SBF2: variants seen among roughly 807,000 people sequenced by gnomAD.
SBF2 encodes the protein SET binding factor 2, also known as myotubularin-related protein 13.
SBF2 carries 112 observed loss-of-function variants against 225.2 expected under a neutral mutation model. That is an observed-to-expected ratio of 0.50 (90% CI 0.43 to 0.58). The LOEUF (loss-of-function observed/expected upper bound fraction) is 0.58. Among genes scored for constraint, SBF2 ranks in the 20% least tolerant of loss-of-function variants. The pLI is 0.00. For missense variants in SBF2, 1,996 were observed against 2,206.2 expected (o/e 0.90, Z 1.91); for synonymous variants, 763 against 773.3 (o/e 0.99, Z 0.22).
In SBF2 at chr11:10,249,944, TA is replaced by T. The variant is rs563702229; in HGVS notation, c.55+44070del. Among the ~76,000 whole-genome samples, 210 of 152,004 alleles carry T rather than the reference TA, an allele frequency of 1.4e-3. 3 individuals carry two copies. Among genetic ancestry groups the T allele is most frequent in the Admixed American group, 0.012 (176 of 15,268 alleles). Reference sequence around the variant, plus strand: ...TAAAAGAGACGTAAAGAGAATTATTTAACATGTTAAGTTACATGGGAAGCAT... The same window carrying T: ...TAAAAGAGACGTAAAGAGAATTATTTACATGTTAAGTTACATGGGAAGCAT... On this transcript the variant is annotated intron_variant, in intron 1 of 39. Coordinates refer to ENST00000256190, the MANE Select transcript of SBF2 (RefSeq NM_030962.4).
At chr11:9,967,285 C>T (rs768795017) in intron 14 of SBF2, among the ~76,000 whole-genome samples, 4 of 150,814 alleles carry the variant, frequency 2.7e-5, no homozygotes, top group Non-Finnish European at 5.9e-5. Flanking sequence ...GGCAGGAGAA[C>T]GGTGTGAGCC....
rs567674668 is a variant in SBF2 at position 10,099,545 on chromosome 11, TAGTC to T, written c.142-56568_142-56565del. ...AAACTAACTGGTAAAGGTAAGTAGA[TAGTC>T]AGTGTCAGAATATTACACTATAACG... is the stretch of plus-strand genomic sequence containing the variant. On this transcript the variant is annotated intron_variant, in intron 2 of 39. Transcript: ENST00000256190. 3.9e-3 allele frequency among the ~76,000 whole-genome samples: 598 copies of T among 152,270 alleles called. 3 individuals carry two copies. Among genetic ancestry groups the T allele is most frequent in the Non-Finnish European group, 6.3e-3 (430 of 68,000 alleles).
chr11:10,171,137 T>C (rs185395620), intron 2 of SBF2, among the ~76,000 whole-genome samples: 1 of 152,288 alleles, frequency 6.6e-6, no homozygotes, highest in East Asian at 1.9e-4. Flanking sequence ...GACTTCCTTC[T>C]CTTATCTGGT....
At chr11:10,096,836 C>T (rs77540235) in intron 2 of SBF2, among the ~76,000 whole-genome samples, 2,177 of 152,142 alleles carry the variant, frequency 0.014, 26 homozygotes, top group Non-Finnish European at 0.025. Context: ...ATTTGCTTTC[C>T]AAATTATAGT....
At chr11:9,805,998 C>A (rs1209755001) in intron 32 of SBF2, among the ~76,000 whole-genome samples, 2 of 152,318 alleles carry the variant, frequency 1.3e-5, no homozygotes, top group Non-Finnish European at 1.5e-5. Flanking sequence ...CTCATATATT[C>A]ATTGAGATTA....
intron 6 of SBF2, among the ~76,000 whole-genome samples, chr11:10,024,771 T>C (rs768445492): frequency 5.3e-5 from 8 of 152,198 alleles, no homozygotes; most frequent in Non-Finnish European, 1.2e-4. Context: ...AATTGCTCTA[T>C]TTACACATTT....
chr11:9,974,979 A>AAAAAAAAAAAG (rs1946617929), intron 13 of SBF2, among the ~76,000 whole-genome samples: 1 of 79,522 alleles, frequency 1.3e-5, no homozygotes, highest in Non-Finnish European at 3.0e-5. Context: ...AAAAAAAAAA[A>AAAAAAAAAAAG]AAAAAAAAAG....
chr11:9,842,896 T>A, intron 24 of SBF2, 126 bp from the exon 25 acceptor site: 1 of 860,778 alleles, frequency 1.2e-6, no homozygotes, highest in Non-Finnish European at 1.8e-6. Context: ...AGACTCTTGT[T>A]AAGCCTCTCC....
chr11:9,987,322 T>C (rs1477615800), intron 13 of SBF2, among the ~76,000 whole-genome samples: 1 of 152,100 alleles, frequency 6.6e-6, no homozygotes, highest in African/African-American at 2.4e-5. Context: ...ACCATAATAC[T>C]GAATTGGGAA....
At chr11:9,922,348 C>G (rs1222268201) in intron 16 of SBF2, among the ~76,000 whole-genome samples, 1 of 152,170 alleles carries the variant, frequency 6.6e-6, no homozygotes. Flanking sequence ...TATTTGGACT[C>G]ATTTTTCTTT....
intron 2 of SBF2, among the ~76,000 whole-genome samples, chr11:10,190,225 T>C (rs1333926408): frequency 6.6e-6 from 1 of 152,154 alleles, no homozygotes; most frequent in Non-Finnish European, 1.5e-5. Context: ...TTTAGATGTC[T>C]CTGATCTAGC....
chr11:9,790,116 C>T (rs1852648285), intron 34 of SBF2, among the ~76,000 whole-genome samples: 3 of 152,182 alleles, frequency 2.0e-5, no homozygotes, highest in Admixed American at 1.3e-4. Flanking sequence ...GGGCAGTTGC[C>T]CCGAGATATG....
At chr11:9,936,883 T>C (rs1445973423) in intron 16 of SBF2, among the ~76,000 whole-genome samples, 1 of 152,110 alleles carries the variant, frequency 6.6e-6, no homozygotes, top group Non-Finnish European at 1.5e-5. Context: ...CAAACCAACA[T>C]GGCACATGAG....
chr11:9,928,693 G>C (rs776210149), intron 16 of SBF2, among the ~76,000 whole-genome samples: 1 of 152,196 alleles, frequency 6.6e-6, no homozygotes, highest in South Asian at 2.1e-4. Flanking sequence ...AGCTGGAAAT[G>C]AATCAAATAT....
At chr11:10,218,149 C>A (rs1287050551) in intron 1 of SBF2, among the ~76,000 whole-genome samples, 2 of 152,164 alleles carry the variant, frequency 1.3e-5, no homozygotes, top group African/African-American at 4.8e-5. Flanking sequence ...ATCCACCTGC[C>A]TCGGCCTCCC....
At chr11:9,966,354 T>C (rs551999698) in intron 14 of SBF2, among the ~76,000 whole-genome samples, 14 of 152,348 alleles carry the variant, frequency 9.2e-5, no homozygotes, top group African/African-American at 3.4e-4. Context: ...CTTCCCAAAG[T>C]GCTGGGATTA....
chr11:10,171,544 T>C (rs1783286309), intron 2 of SBF2, among the ~76,000 whole-genome samples: 1 of 152,186 alleles, frequency 6.6e-6, no homozygotes, highest in South Asian at 2.1e-4. Flanking sequence ...TTTGCTAAGA[T>C]TTTATTGAGG....
At chr11:9,891,714 T>C (rs1332639179) in intron 17 of SBF2, among the ~76,000 whole-genome samples, 1 of 152,224 alleles carries the variant, frequency 6.6e-6, no homozygotes, top group Non-Finnish European at 1.5e-5. Flanking sequence ...TAAGAGTTAA[T>C]GAATTACATG....
intron 6 of SBF2, among the ~76,000 whole-genome samples, chr11:10,003,184 A>T (rs1274082654): frequency 6.6e-6 from 1 of 152,240 alleles, no homozygotes; most frequent in Admixed American, 6.5e-5. Context: ...AACCCATTGT[A>T]AAGTTGAAAA....
Sources: allele counts gnomAD v4.1 joint callset (sites outside exome capture counted in the v4.1 genomes callset), GRCh38; gene constraint gnomAD v4.1.1; transcripts MANE v1.5; gene names NCBI Gene and HGNC (gene_info 2026-07-23, HGNC 2026-07-21).